The following GREB1L variants were observed in gnomAD, a reference collection of about 807,000 sequenced individuals.
The protein encoded by GREB1L is GREB1-like protein.
Under a neutral mutation model 200.8 loss-of-function variants are expected in GREB1L, and 17 were observed. The ratio of observed to expected loss-of-function variants is 0.08; its 90% CI spans 0.06 to 0.13. The LOEUF (loss-of-function observed/expected upper bound fraction) is 0.13, where lower values mean the gene tolerates loss of function less well. Among genes scored for constraint, GREB1L ranks in the 10% least tolerant of loss-of-function variants. GREB1L has a pLI of 1.00. For synonymous variants in GREB1L, 789 were observed against 893.0 expected (o/e 0.88, Z 2.08); for missense variants, 1,657 against 2,367.7 (o/e 0.70, Z 6.23).
In GREB1L at chr18:21,463,134, CTTTTTTTTT is replaced by C. The variant is rs11355874; in HGVS notation, c.2182+8592_2182+8600del. 1.3e-4 allele frequency among the ~76,000 whole-genome samples: 7 copies of C among 55,682 alleles called. No individual in the cohort carries two copies. In the South Asian group the frequency reaches 5.9e-3, roughly 47 times the overall value. The allele number at this position is 55,682 out of a possible 152,430, so 36.5% of individuals were successfully genotyped here. Reference sequence around the variant, plus strand: ...CCGATAGGTAAATAGCTTAATGGTTCTTTTTTTTTTTTTTTTTTTTTTTTTTTTTGAGAT... The same window carrying C: ...CCGATAGGTAAATAGCTTAATGGTTCTTTTTTTTTTTTTTTTTTTTGAGAT... On this transcript the variant is annotated intron_variant, in intron 15 of 32. Transcript: ENST00000424526.
In GREB1L at chr18:21,523,108, G is replaced by T; in HGVS notation, c.*287G>T. On this transcript the variant is annotated 3_prime_UTR_variant, in exon 33 of 33. Transcript: ENST00000424526. The stretch of plus-strand genomic sequence containing the variant: ...GGGATCCTGAGGAGGATATACTTTG[G>T]AGAGTGAATATGGAGTTTGCATTAT... 3.9e-6 allele frequency: 1 copy of T among 254,814 alleles called. No individual in the cohort carries two copies. The allele number at this position is 254,814 out of a possible 1,614,324, so 15.8% of individuals were successfully genotyped here.
chr18:21,430,994 TTTTATTTATTTA>T lies in GREB1L; in HGVS notation c.833-8495_833-8484del, dbSNP rs59970232. Among the ~76,000 whole-genome samples the T allele has an allele frequency of 4.0e-3, 570 of 141,060 alleles. 3 individuals are homozygous for T. Among genetic ancestry groups the T allele is most frequent in the Non-Finnish European group, 6.3e-3 (407 of 65,044 alleles). The allele number at this position is 141,060 out of a possible 152,430, so 92.5% of individuals were successfully genotyped here. A position where few individuals can be genotyped will look rare whatever the true frequency, so the allele number is the denominator to read the frequency against. On this transcript the variant is annotated intron_variant, in intron 7 of 32. Transcript: ENST00000424526. ...GTATGTTGTGTTTAATTTTCATTTA[TTTTATTTATTTA>T]TTTATTTATTTATTTATTTATTTAT...
At chr18:21,511,288 G>T (rs569129155) in intron 27 of GREB1L, among the ~76,000 whole-genome samples, 2 of 152,104 alleles carry the variant, frequency 1.3e-5, no homozygotes, top group South Asian at 4.2e-4. Context: ...CACTTGAACC[G>T]GGGAGGTGGA....
chr18:21,347,379 C>T (rs2039363285), intron 1 of GREB1L, among the ~76,000 whole-genome samples: 1 of 152,128 alleles, frequency 6.6e-6, no homozygotes, highest in Admixed American at 6.5e-5. Context: ...TTTCACCACA[C>T]TGTTCTGCTC....
intron 1 of GREB1L, among the ~76,000 whole-genome samples, chr18:21,344,121 G>A (rs1479727044): frequency 1.3e-5 from 2 of 152,176 alleles, no homozygotes; most frequent in Admixed American, 6.6e-5. Flanking sequence ...ACTGCTTGAG[G>A]CTGGGTGCGG....
chr18:21,502,894 G>T (rs1263159601), intron 23 of GREB1L, among the ~76,000 whole-genome samples: 1 of 152,216 alleles, frequency 6.6e-6, no homozygotes, highest in South Asian at 2.1e-4. Flanking sequence ...GTGCCGGTGA[G>T]CTGTGAGAGT....
chr18:21,253,596 T>G (rs2037749427), intron 1 of GREB1L, among the ~76,000 whole-genome samples: 1 of 152,160 alleles, frequency 6.6e-6, no homozygotes, highest in Non-Finnish European at 1.5e-5. Context: ...TATACCACAT[T>G]TAGAGAAATT....
intron 1 of GREB1L, among the ~76,000 whole-genome samples, chr18:21,335,672 T>TC (rs1361668492): frequency 6.6e-6 from 1 of 151,728 alleles, no homozygotes; most frequent in Non-Finnish European, 1.5e-5. Context: ...TTTTCTTTTT[T>TC]TTTTTTTTCG....
At chr18:21,249,257 T>A (rs1057285126) in intron 1 of GREB1L, among the ~76,000 whole-genome samples, 2 of 152,124 alleles carry the variant, frequency 1.3e-5, no homozygotes, top group Non-Finnish European at 2.9e-5. Flanking sequence ...CTACAGCTCT[T>A]ATAGTAGGAT....
At chr18:21,263,292 G>A (rs1213254816) in intron 1 of GREB1L, among the ~76,000 whole-genome samples, 12 of 152,146 alleles carry the variant, frequency 7.9e-5, no homozygotes, top group Admixed American at 7.9e-4. Context: ...TCATATTGAA[G>A]GGTTTTCACT....
At chr18:21,491,864 C>T (rs749902311) in intron 19 of GREB1L, among the ~76,000 whole-genome samples, 2 of 151,974 alleles carry the variant, frequency 1.3e-5, no homozygotes, top group African/African-American at 2.4e-5. Context: ...AATAGAAACT[C>T]CTAAATTTAG....
intron 1 of GREB1L, among the ~76,000 whole-genome samples, chr18:21,276,588 G>A (rs2038168113): frequency 6.6e-6 from 1 of 152,156 alleles, no homozygotes; most frequent in East Asian, 1.9e-4. Context: ...ACTGCACAGA[G>A]AAAATGGAGG....
chr18:21,410,702 A>G lies in GREB1L; in HGVS notation c.832+6708A>G, dbSNP rs1279146046. On this transcript the variant is annotated intron_variant, in intron 7 of 32. Coordinates refer to ENST00000424526, the MANE Select transcript of GREB1L (RefSeq NM_001142966.3). ...ACTGATATTTTACTACATTAAAATT[A>G]TAACTTCTAACTATTAGGAGTCACC... Among the ~76,000 whole-genome samples, 19 of 150,572 alleles carry G rather than the reference A, an allele frequency of 1.3e-4. No homozygotes were observed. In the Admixed American group the frequency reaches 1.3e-3, roughly 10 times the overall value.
At chr18:21,443,184 T>C (rs1308536449) in intron 10 of GREB1L, among the ~76,000 whole-genome samples, 2 of 151,710 alleles carry the variant, frequency 1.3e-5, no homozygotes, top group Non-Finnish European at 1.5e-5. Context: ...ATTATAGGCG[T>C]GAGCTGCACC....
intron 1 of GREB1L, among the ~76,000 whole-genome samples, chr18:21,280,832 C>T (rs939681683): frequency 5.9e-5 from 9 of 152,132 alleles, no homozygotes; most frequent in African/African-American, 1.7e-4. Context: ...CATGCTTTCT[C>T]GCTCTTTCAC....
At chr18:21,338,493 T>C (rs1474776905) in intron 1 of GREB1L, among the ~76,000 whole-genome samples, 1 of 152,270 alleles carries the variant, frequency 6.6e-6, no homozygotes, top group Non-Finnish European at 1.5e-5. Flanking sequence ...CTATTCTTCC[T>C]TGCTACTCCA....
At chr18:21,522,550 C>T (rs2053994807) in intron 32 of GREB1L, 108 bp from the exon 33 acceptor site, 7 of 767,242 alleles carry the variant, frequency 9.1e-6, no homozygotes, top group South Asian at 7.7e-5. Context: ...ATTGCTTATC[C>T]ATCTGTTGGT....
chr18:21,451,245 AAGCTTGCC>A, intron 13 of GREB1L, 94 bp downstream of exon 13: 2 of 1,319,200 alleles, frequency 1.5e-6, no homozygotes, highest in Non-Finnish European at 2.1e-6. Context: ...TGTGGAGCTC[AAGCTTGCC>A]AGCTGATCTT....
At chr18:21,278,071 G>A (rs2038199288) in intron 1 of GREB1L, among the ~76,000 whole-genome samples, 1 of 152,128 alleles carries the variant, frequency 6.6e-6, no homozygotes, top group African/African-American at 2.4e-5. Flanking sequence ...TAGGCTTATA[G>A]ATTGAAGGAT....
Sources: allele counts gnomAD v4.1 joint callset (sites outside exome capture counted in the v4.1 genomes callset), GRCh38; gene constraint gnomAD v4.1.1; transcripts MANE v1.5; gene names NCBI Gene and HGNC (gene_info 2026-07-23, HGNC 2026-07-21).